BID: variants seen among roughly 807,000 people sequenced by gnomAD.
BID encodes BH3-interacting domain death agonist.
Under a neutral mutation model 17.4 loss-of-function variants are expected in BID, and 19 were observed. The ratio of observed to expected loss-of-function variants is 1.09; its 90% CI spans 0.76 to 1.60. The LOEUF is 1.60. Among genes scored for constraint, BID ranks in the 40% most tolerant of loss-of-function variants. The pLI, the probability that BID is intolerant of heterozygous loss-of-function variation, is 0.00. For missense variants in BID, 226 were observed against 256.0 expected, an observed-to-expected ratio of 0.88 and a Z score of 0.80; for synonymous variants, 108 against 102.8, an observed-to-expected ratio of 1.05 and a Z score of -0.31.
At chr22:17,736,209 C>T (rs758990362) in intron 5 of BID, among the ~76,000 whole-genome samples, 3 of 152,054 alleles carry the variant, frequency 2.0e-5, no homozygotes, top group African/African-American at 4.8e-5. Context: ...GCCTGTAATC[C>T]CAGCACTTTG....
In BID at chr22:17,759,946, T is replaced by G. The variant is rs370111088; in HGVS notation, c.-58-9772A>C. Among the ~76,000 whole-genome samples, 206 of 150,940 alleles carry G rather than the reference T, an allele frequency of 1.4e-3. 1 individual carries two copies. Among genetic ancestry groups the G allele is most frequent in the African/African-American group, 4.8e-3 (196 of 41,074 alleles). ...TCACGATGTCAGGAGATCGAGACCA[T>G]CCTGGCTAACCCTAAGTCTCTACTA... On this transcript the variant is annotated intron_variant, in intron 1 of 5. Coordinates refer to ENST00000622694, the MANE Select transcript of BID (RefSeq NM_001196.4).
chr22:17,735,785 G>A (rs2061415145), intron 5 of BID, among the ~76,000 whole-genome samples, 194 bp from the exon 6 acceptor site: 1 of 152,020 alleles, frequency 6.6e-6, no homozygotes, highest in South Asian at 2.1e-4. Context: ...CAGGCGGTGA[G>A]GTGGGTATTC....
chr22:17,748,379 G>A (rs1320138271), intron 2 of BID, among the ~76,000 whole-genome samples: 1 of 150,884 alleles, frequency 6.6e-6, no homozygotes, highest in Non-Finnish European at 1.5e-5. Flanking sequence ...GTGGTGGCGG[G>A]CGCCTGTAGT....
At position 17,743,852 on chromosome 22, in the gene BID, C is replaced by T. The variant is rs750006117; in HGVS notation, c.174G>A (p.Gln58=). 5.6e-6 allele frequency: 9 copies of T among 1,612,922 alleles called. No homozygotes were observed. Among genetic ancestry groups the T allele is most frequent in the East Asian group, 2.2e-5 (1 of 44,888 alleles). ...APQWEGYDEL[Q]TDGNRSSHSR... is the part of the protein sequence containing the mutation. ...AGTGGCTGCTGCGGTTGCCATCAGT[C>T]TGCAGCTCATCGTAGCCCTCCCACT... The change falls in exon 3 of 6, where the codon CAG becomes CAA. Residue 58 remains glutamine, a synonymous_variant. Transcript: ENST00000622694.
intron 1 of BID, among the ~76,000 whole-genome samples, chr22:17,755,357 T>C (rs60933046): frequency 6.6e-6 from 1 of 151,998 alleles, no homozygotes; most frequent in Non-Finnish European, 1.5e-5. Context: ...TGAACACACA[T>C]GGACCATGGC....
At chr22:17,761,126 C>A (rs2061635262) in intron 1 of BID, among the ~76,000 whole-genome samples, 1 of 152,106 alleles carries the variant, frequency 6.6e-6, no homozygotes, top group Non-Finnish European at 1.5e-5. Flanking sequence ...TGGTATTTTT[C>A]TTTTTATAAG....
chr22:17,743,911 C>T lies in BID; in HGVS notation c.115G>A (p.Ala39Thr), dbSNP rs372024838. The T allele has an allele frequency of 1.5e-5, 24 of 1,613,636 alleles. No homozygotes were observed. Among genetic ancestry groups the T allele is most frequent in the South Asian group, 6.6e-5 (6 of 91,084 alleles). Residue 39 changes from alanine (A) to threonine (T), a missense_variant, in exon 3 of 6, where the codon GCA (alanine) becomes ACA (threonine). Ala to Thr is a moderately conservative substitution (Grantham distance 58). Coordinates refer to ENST00000622694, the MANE Select transcript of BID (RefSeq NM_001196.4). ...SDNSFRRELD[A>T]LGHELPVLAP... is the part of the protein sequence containing the mutation. Reference sequence around the variant, plus strand: ...AGCACTGGCAGCTCGTGGCCCAGTGCGTCCAGCTCTCTGCGGAAGCTGTTG... The same window carrying T: ...AGCACTGGCAGCTCGTGGCCCAGTGTGTCCAGCTCTCTGCGGAAGCTGTTG...
intron 1 of BID, among the ~76,000 whole-genome samples, chr22:17,755,574 G>A (rs981117645): frequency 5.3e-5 from 8 of 152,128 alleles, no homozygotes; most frequent in African/African-American, 1.2e-4. Flanking sequence ...AGGCTGAGGC[G>A]GGTGGATCAC....
intron 1 of BID, among the ~76,000 whole-genome samples, chr22:17,772,141 G>T (rs2061725872): frequency 1.3e-5 from 2 of 152,362 alleles, no homozygotes; most frequent in South Asian, 4.1e-4. Context: ...GAGCCAGTCA[G>T]CACACATCAA....
At position 17,739,460 on chromosome 22, in the gene BID, C is replaced by A. The variant is rs1263047161; in HGVS notation, c.252G>T (p.Arg84=). The A allele has an allele frequency of 1.2e-6, 2 of 1,612,490 alleles. No individual in the cohort carries two copies. The highest frequency in any genetic ancestry group is 1.7e-5 in the Admixed American group (1 of 60,028). Reference sequence around the variant, plus strand: ...CCTGGGCGAGGTGCCTGGCAATATTCCGGATGATGTCTTCTTGACTTTCAG... The same window carrying A: ...CCTGGGCGAGGTGCCTGGCAATATTACGGATGATGTCTTCTTGACTTTCAG... ...ADSESQEDII[R]NIARHLAQVG... Residue 84 remains arginine (R), a synonymous_variant, in exon 4 of 6, where the codon CGG becomes CGT. Coordinates refer to ENST00000622694, the MANE Select transcript of BID (RefSeq NM_001196.4).
In BID at chr22:17,735,314, T is replaced by C. The variant is rs1411279890; in HGVS notation, c.*266A>G. On this transcript the variant is annotated 3_prime_UTR_variant, in exon 6 of 6. Coordinates refer to ENST00000622694, the MANE Select transcript of BID (RefSeq NM_001196.4). The stretch of plus-strand genomic sequence containing the variant: ...TGGAAATAAAGGCACCGTGTGTAGA[T>C]TTACAGATGTGCAGATTCATGTGTG... The C allele has an allele frequency of 8.3e-6, 4 of 481,974 alleles. No homozygotes were observed. Among genetic ancestry groups the C allele is most frequent in the East Asian group, 3.5e-5 (1 of 28,316 alleles). The allele number at this position is 481,974 out of a possible 1,614,324, so 29.9% of individuals were successfully genotyped here.
Position 17,738,181 on chromosome 22 carries a change from AG to A in BID, c.411del (p.Tyr138ThrfsTer38). On this transcript the variant is annotated frameshift_variant, in exon 5 of 6. Coordinates refer to ENST00000622694, the MANE Select transcript of BID (RefSeq NM_001196.4). LOFTEE classifies it high-confidence loss of function. Reference sequence around the variant, plus strand: ...TTCTCCTTCTCCATGTCTCTAGGGTAGGCCTGCAGCAGCTGCTCCAGGGCAG... The same window carrying A: ...TTCTCCTTCTCCATGTCTCTAGGGTAGCCTGCAGCAGCTGCTCCAGGGCAG... The part of the protein sequence containing the change: ...LATALEQLLQ[A>X]YPRDMEKEKT... 24 of 1,613,016 alleles carry A rather than the reference AG, an allele frequency of 1.5e-5. No homozygotes were observed. The highest frequency in any genetic ancestry group is 2.0e-5 in the Non-Finnish European group (24 of 1,180,044).
intron 1 of BID, among the ~76,000 whole-genome samples, chr22:17,762,838 T>C (rs2061650125): frequency 6.6e-6 from 1 of 151,416 alleles, no homozygotes; most frequent in Non-Finnish European, 1.5e-5. Flanking sequence ...ACCAAAAAGT[T>C]TGAGAAGTGC....
rs1381321730 is a variant in BID at position 17,773,676 on chromosome 22, G to C, written c.-59+705C>G. ...TGCCCACCGAGCCATCATGACCCCA[G>C]CACCGCTGCACATTCGTATTTGTTG... On this transcript the variant is annotated intron_variant, in intron 1 of 5. Coordinates refer to ENST00000622694, the MANE Select transcript of BID (RefSeq NM_001196.4). This position sits in a 1 kb window ranked among gnomAD's most constrained non-coding sequence, Gnocchi z 4.4. The C allele has an allele frequency of 1.2e-6, 2 of 1,610,540 alleles. No individual in the cohort carries two copies. Among genetic ancestry groups the C allele is most frequent in the South Asian group, 2.2e-5 (2 of 91,076 alleles).
At chr22:17,759,241 C>CAAAAAAAA (rs1555906713) in intron 1 of BID, among the ~76,000 whole-genome samples, 8 of 97,078 alleles carry the variant, frequency 8.2e-5, no homozygotes, top group Admixed American at 3.7e-4. Flanking sequence ...AAACAAAAAA[C>CAAAAAAAA]AAAACAAAAA....
intron 3 of BID, among the ~76,000 whole-genome samples, chr22:17,742,619 A>G (rs1206632157): frequency 6.6e-6 from 1 of 151,838 alleles, no homozygotes; most frequent in Non-Finnish European, 1.5e-5. Flanking sequence ...GCAACCCTTG[A>G]GCTTGGAAGG....
At chr22:17,760,214 T>C (rs2061626920) in intron 1 of BID, among the ~76,000 whole-genome samples, 1 of 149,808 alleles carries the variant, frequency 6.7e-6, no homozygotes, top group Admixed American at 6.7e-5. Flanking sequence ...GGGAGGCTGA[T>C]GAGGGCAGAT....
intron 3 of BID, among the ~76,000 whole-genome samples, chr22:17,741,993 C>A (rs2061462608): frequency 6.6e-6 from 1 of 152,354 alleles, no homozygotes; most frequent in East Asian, 1.9e-4. Flanking sequence ...GTTCCCGAAG[C>A]TTATCCACCT....
At chr22:17,763,816 A>T (rs2145915929) in intron 1 of BID, among the ~76,000 whole-genome samples, 1 of 151,884 alleles carries the variant, frequency 6.6e-6, no homozygotes, top group South Asian at 2.1e-4. Context: ...GGTCTGTATC[A>T]GATGTCAGTT....
Sources: allele counts gnomAD v4.1 joint callset (sites outside exome capture counted in the v4.1 genomes callset), GRCh38; gene constraint gnomAD v4.1.1; non-coding constraint Gnocchi (gnomAD v3.1); transcripts MANE v1.5; gene names NCBI Gene and HGNC (gene_info 2026-07-23, HGNC 2026-07-21).